The following ZNF506 variants were observed in gnomAD, a reference collection of about 807,000 sequenced individuals.
The protein encoded by ZNF506 is zinc finger protein 506.
A neutral mutation model predicts 11.6 loss-of-function variants in ZNF506; 10 were observed. That is an observed-to-expected ratio of 0.86 (90% confidence interval 0.53 to 1.46). The LOEUF is 1.46. Ranked by LOEUF, ZNF506 falls within the 40% of genes most tolerant of loss-of-function variation. ZNF506 has a pLI of 0.00. For synonymous variants in ZNF506, 156 were observed against 173.3 expected (o/e 0.90, Z 0.78); for missense variants, 425 against 521.2 (o/e 0.82, Z 1.80).
chr19:19,802,518 C>A (rs1281239422), intron 3 of ZNF506, among the ~76,000 whole-genome samples: 3 of 151,244 alleles, frequency 2.0e-5, no homozygotes, highest in African/African-American at 7.3e-5. Context: ...TAGGGTTAGA[C>A]CCTCTGATAT....
chr19:19,815,908 A>C (rs1157933061), intron 1 of ZNF506, among the ~76,000 whole-genome samples: 1 of 152,192 alleles, frequency 6.6e-6, no homozygotes, highest in African/African-American at 2.4e-5. Context: ...GAAAAGCCAA[A>C]TGGAAGAAAT....
intron 1 of ZNF506, among the ~76,000 whole-genome samples, chr19:19,808,108 CTTTTTTTTTTTTTTTTTT>C (rs757160026): frequency 0.012 from 687 of 56,818 alleles, 28 homozygotes; most frequent in Middle Eastern, 0.079. Context: ...TCATTAACCA[CTTTTTTTTTTTTTTTTTT>C]TTTTTTTTTT....
Position 19,794,543 on chromosome 19 carries a change from C to T in ZNF506, c.*9G>A. ...TCATCACATTCATACGGTTTCTCTC[C>T]AGTATGAATTATCTTATGCTTATTA... On this transcript the variant is annotated 3_prime_UTR_variant, in exon 4 of 4. Transcript: ENST00000540806. 6.3e-7 allele frequency: 1 copy of T among 1,576,014 alleles called. No individual in the cohort carries two copies. The highest frequency in any genetic ancestry group is 1.7e-4 in the Middle Eastern group (1 of 5,830).
intron 3 of ZNF506, chr19:19,797,105 AT>A (rs1480257821): frequency 6.6e-6 from 1 of 152,224 alleles, no homozygotes. Flanking sequence ...AAATTATAAA[AT>A]TTTCAAAAGC....
chr19:19,807,098 C>G, intron 1 of ZNF506, 30 bp from the exon 2 acceptor site: 1 of 1,611,116 alleles, frequency 6.2e-7, no homozygotes, highest in Non-Finnish European at 8.5e-7. Context: ...TTATTTTTAC[C>G]AAGTGGCCAT....
rs911331533 is a variant in ZNF506 at position 19,811,784 on chromosome 19, TA to T, written c.4-4717del. Among the ~76,000 whole-genome samples the T allele has an allele frequency of 5.9e-5, 9 of 151,516 alleles. No homozygotes were observed. In the East Asian group the frequency reaches 7.8e-4, roughly 13 times the overall value. On this transcript the variant is annotated intron_variant, in intron 1 of 3. Transcript: ENST00000540806. ...ACCATTGCACTCCCTCTCAAAAATA[TA>T]AAAAAAAGGAAATTATAATAACGGT...
chr19:19,809,956 G>A (rs1463928094), intron 1 of ZNF506, among the ~76,000 whole-genome samples: 2 of 152,154 alleles, frequency 1.3e-5, no homozygotes, highest in Non-Finnish European at 2.9e-5. Flanking sequence ...AAGCTGTGGG[G>A]AGGGCACAAG....
intron 3 of ZNF506, among the ~76,000 whole-genome samples, chr19:19,800,423 T>TATATATATATATATATA (rs1568474341): frequency 1.4e-5 from 2 of 147,410 alleles, no homozygotes; most frequent in East Asian, 2.0e-4. Flanking sequence ...TTTATATATA[T>TATATATATATATATATA]TATTTTTTTT....
At position 19,795,039 on chromosome 19, in the gene ZNF506, TTC is replaced by T; in HGVS notation, c.846_847del (p.Lys283ThrfsTer5). The T allele has an allele frequency of 6.2e-7, 1 of 1,613,840 alleles. No homozygotes were observed. The highest frequency in any genetic ancestry group is 1.1e-5 in the South Asian group (1 of 91,068). ...GCCACATTTATCACACTTGTATGGT[TTC>T]TCTCCAGTATGAATTTTCTTATGTG... On this transcript the variant is annotated frameshift_variant, in exon 4 of 4. Transcript: ENST00000540806. LOFTEE classifies it low-confidence loss of function (END_TRUNC).
chr19:19,801,518 G>C (rs1176331704), intron 3 of ZNF506, among the ~76,000 whole-genome samples: 11 of 151,928 alleles, frequency 7.2e-5, no homozygotes, highest in Admixed American at 6.6e-4. Flanking sequence ...GACGGGCATG[G>C]AGGCTTGAGC....
chr19:19,799,893 G>A (rs1437278181), intron 3 of ZNF506, among the ~76,000 whole-genome samples: 1 of 150,360 alleles, frequency 6.7e-6, no homozygotes, highest in Non-Finnish European at 1.5e-5. Flanking sequence ...AAAAATGTTG[G>A]AGGCATTACA....
intron 3 of ZNF506, chr19:19,799,526 G>A: frequency 3.2e-6 from 2 of 618,448 alleles, no homozygotes; most frequent in Non-Finnish European, 2.8e-6. Context: ...TGACAAAAAT[G>A]GAATTAGAGT....
In ZNF506 at chr19:19,794,463, A is replaced by G. The variant is rs2062720612; in HGVS notation, c.*89T>C. The G allele has an allele frequency of 7.8e-7, 1 of 1,288,678 alleles. No individual in the cohort carries two copies. Among genetic ancestry groups the G allele is most frequent in the African/African-American group, 1.5e-5 (1 of 67,010 alleles). 79.8% of individuals were successfully genotyped at this position (1,288,678 alleles called of 1,614,324 possible). On this transcript the variant is annotated 3_prime_UTR_variant, in exon 4 of 4. Coordinates refer to ENST00000540806, the MANE Select transcript of ZNF506 (RefSeq NM_001099269.3). ...TTTATATTTGTAGGGTTTATGTTCC[A>G]TATAAATTCTCATATTTAGTCAGAG...
chr19:19,813,007 C>T, intron 1 of ZNF506, among the ~76,000 whole-genome samples: 1 of 152,178 alleles, frequency 6.6e-6, no homozygotes, highest in East Asian at 1.9e-4. Context: ...CATCTGACAA[C>T]TTCCAACAAC....
At chr19:19,812,448 G>T (rs576462063) in intron 1 of ZNF506, among the ~76,000 whole-genome samples, 1 of 152,310 alleles carries the variant, frequency 6.6e-6, no homozygotes, top group South Asian at 2.1e-4. Context: ...CTCTACTCCA[G>T]TATCACATTT....
Position 19,794,376 on chromosome 19 carries a change from T to C in ZNF506, c.*176A>G, listed in dbSNP as rs1160683208. The C allele has an allele frequency of 1.6e-5, 10 of 625,454 alleles. No homozygotes were observed. In the Admixed American group the frequency reaches 1.6e-4, roughly 10 times the overall value. 38.7% of individuals were successfully genotyped at this position (625,454 alleles called of 1,614,324 possible). On this transcript the variant is annotated 3_prime_UTR_variant, in exon 4 of 4. Coordinates refer to ENST00000540806, the MANE Select transcript of ZNF506 (RefSeq NM_001099269.3). Reference sequence around the variant, plus strand: ...ATATTCTTCACACTTGTAGGGTTTCTGTCCAGTATAAATTATGTGTAATAA... The same window carrying C: ...ATATTCTTCACACTTGTAGGGTTTCCGTCCAGTATAAATTATGTGTAATAA...
chr19:19,817,229 G>A (rs567518029), intron 1 of ZNF506, among the ~76,000 whole-genome samples: 1 of 152,196 alleles, frequency 6.6e-6, no homozygotes, highest in South Asian at 2.1e-4. Flanking sequence ...GCTGATTTCA[G>A]TGTAAAACAT....
chr19:19,814,076 C>T (rs1013288221), intron 1 of ZNF506, among the ~76,000 whole-genome samples: 6 of 152,006 alleles, frequency 3.9e-5, no homozygotes, highest in Non-Finnish European at 8.8e-5. Context: ...ATGTCCTTTG[C>T]AATAACACTG....
chr19:19,802,064 G>A (rs746482637), intron 3 of ZNF506, among the ~76,000 whole-genome samples: 2 of 150,092 alleles, frequency 1.3e-5, no homozygotes, highest in East Asian at 1.9e-4. Flanking sequence ...AATTAGCCGC[G>A]CATGGTGACA....
Sources: gnomAD v4.1 joint callset for allele counts (sites outside exome capture counted in the v4.1 genomes callset) on GRCh38, gnomAD v4.1.1 for gene constraint, MANE v1.5 for transcripts, NCBI Gene and HGNC (gene_info 2026-07-23, HGNC 2026-07-21) for gene names.